MKLN1: variants seen among roughly 807,000 people sequenced by gnomAD.
The protein encoded by MKLN1 is muskelin 1.
MKLN1 carries 18 observed loss-of-function variants against 99.0 expected under a neutral mutation model. The observed-to-expected ratio is 0.18, with a 90% CI of 0.13 to 0.27. MKLN1 has a LOEUF of 0.27. Ranked by LOEUF, MKLN1 falls within the 10% of genes least tolerant of loss-of-function variation. The pLI, the probability that MKLN1 is intolerant of heterozygous loss-of-function variation, is 1.00. For synonymous variants in MKLN1, 288 were observed against 293.2 expected (o/e 0.98, Z 0.18); for missense variants, 621 against 875.9 (o/e 0.71, Z 3.67).
intron 2 of MKLN1, among the ~76,000 whole-genome samples, chr7:131,183,068 A>G (rs985405931): frequency 2.0e-4 from 30 of 152,244 alleles, no homozygotes; most frequent in African/African-American, 7.0e-4. Context: ...TGCTACTCAT[A>G]TAAAGTGAAA....
intron 6 of MKLN1, 38 bp from the exon 7 acceptor site, chr7:131,411,268 T>C: frequency 8.0e-7 from 1 of 1,255,032 alleles, no homozygotes; most frequent in Non-Finnish European, 1.2e-6. Context: ...ATGTAAGTAG[T>C]TAAGGTGTAA....
chr7:131,359,046 A>T (rs1318552092), intron 1 of MKLN1, among the ~76,000 whole-genome samples: 2 of 150,826 alleles, frequency 1.3e-5, no homozygotes, highest in South Asian at 2.1e-4. Context: ...TTATTTATTT[A>T]TTTTTTCTGC....
chr7:131,293,719 T>C (rs1798253226), intron 3 of MKLN1, among the ~76,000 whole-genome samples: 1 of 152,122 alleles, frequency 6.6e-6, no homozygotes, highest in South Asian at 2.1e-4. Context: ...AGCAAGAGGA[T>C]CACTTGAGAC....
At chr7:131,323,425 G>A (rs1798824364), upstream of MKLN1, 1 of 152,140 alleles carries the variant, frequency 6.6e-6, no homozygotes, top group Non-Finnish European at 1.5e-5. Context: ...AGGTGCCAGT[G>A]GAAGTCAGTC....
chr7:131,203,655 T>G (rs985180561), intron 3 of MKLN1, among the ~76,000 whole-genome samples: 2 of 152,192 alleles, frequency 1.3e-5, no homozygotes, highest in African/African-American at 4.8e-5. Flanking sequence ...AATTGGATTA[T>G]TTTAGAAAGA....
chr7:131,373,851 A>T (rs1251393912), intron 1 of MKLN1, among the ~76,000 whole-genome samples: 1 of 152,120 alleles, frequency 6.6e-6, no homozygotes. Context: ...TCTTTCTCTG[A>T]TCCAAGATCC....
At chr7:131,146,559 G>T (rs905917325) in intron 2 of MKLN1, among the ~76,000 whole-genome samples, 1 of 152,186 alleles carries the variant, frequency 6.6e-6, no homozygotes, top group Non-Finnish European at 1.5e-5. Flanking sequence ...ACTGTATGGA[G>T]CCCAGCATAG....
intron 2 of MKLN1, among the ~76,000 whole-genome samples, chr7:131,187,007 G>A (rs1796460983): frequency 2.6e-5 from 4 of 152,182 alleles, no homozygotes; most frequent in Non-Finnish European, 4.4e-5. Flanking sequence ...AGTTAGAGAG[G>A]CGTGAAATAG....
chr7:131,251,521 A>G (rs539834054), intron 3 of MKLN1, among the ~76,000 whole-genome samples: 1 of 152,292 alleles, frequency 6.6e-6, no homozygotes, highest in African/African-American at 2.4e-5. Flanking sequence ...TCTCCAAGGT[A>G]TTCAAATGGC....
chr7:131,292,409 C>T (rs1188823870), intron 3 of MKLN1, among the ~76,000 whole-genome samples: 1 of 152,186 alleles, frequency 6.6e-6, no homozygotes, highest in Non-Finnish European at 1.5e-5. Flanking sequence ...GGGCTCGAAT[C>T]ATGTCCCCCC....
chr7:131,181,065 G>A (rs571644690), intron 2 of MKLN1, among the ~76,000 whole-genome samples: 2 of 152,120 alleles, frequency 1.3e-5, no homozygotes, highest in Non-Finnish European at 2.9e-5. Context: ...AATTAATTCT[G>A]CAGTTGGACG....
intron 1 of MKLN1, among the ~76,000 whole-genome samples, chr7:131,366,046 A>G (rs1385454539): frequency 1.3e-5 from 2 of 152,194 alleles, no homozygotes; most frequent in Non-Finnish European, 2.9e-5. Flanking sequence ...CTTCGTGAGT[A>G]GTGTTTCCTA....
At chr7:131,358,463 A>G (rs1799941901) in intron 1 of MKLN1, among the ~76,000 whole-genome samples, 1 of 152,160 alleles carries the variant, frequency 6.6e-6, no homozygotes, top group Non-Finnish European at 1.5e-5. Context: ...TTTTGCATCC[A>G]TATTCATAAG....
intron 3 of MKLN1, among the ~76,000 whole-genome samples, chr7:131,272,080 C>T (rs948914855): frequency 3.3e-5 from 5 of 152,190 alleles, no homozygotes; most frequent in African/African-American, 9.6e-5. Flanking sequence ...CAGACAAAGA[C>T]GTAAGTTTGC....
rs1418537992 is a variant in MKLN1 at position 131,492,643 on chromosome 7, G to A, written c.*4915G>A. 1 of 151,040 alleles carries A rather than the reference G, an allele frequency of 6.6e-6. No homozygotes were observed. The highest frequency in any genetic ancestry group is 2.4e-5 in the African/African-American group (1 of 41,010). 9.4% of individuals were successfully genotyped at this position (151,040 alleles called of 1,614,324 possible). A position where few individuals can be genotyped will look rare whatever the true frequency, so the allele number is the denominator to read the frequency against. On this transcript the variant is annotated 3_prime_UTR_variant, in exon 18 of 18. Transcript: ENST00000352689. Reference sequence around the variant, plus strand: ...CCCAGCTACTTGGGAGGCTGAGGTGGGAGGATCACTTGAACCCAGGAGTTT... The same window carrying A: ...CCCAGCTACTTGGGAGGCTGAGGTGAGAGGATCACTTGAACCCAGGAGTTT...
intron 4 of MKLN1, among the ~76,000 whole-genome samples, chr7:131,390,844 A>G (rs1794178478): frequency 6.6e-6 from 1 of 152,106 alleles, no homozygotes; most frequent in Non-Finnish European, 1.5e-5. Context: ...TTTTAATTAT[A>G]GGGCATAATG....
intron 12 of MKLN1, among the ~76,000 whole-genome samples, chr7:131,462,881 G>A (rs1796557099): frequency 6.6e-6 from 1 of 152,178 alleles, no homozygotes; most frequent in Admixed American, 6.5e-5. Flanking sequence ...CAGCACTTTG[G>A]GAAGATGAGG....
chr7:131,191,358 C>T (rs1034344947), intron 2 of MKLN1, among the ~76,000 whole-genome samples: 9 of 152,100 alleles, frequency 5.9e-5, no homozygotes, highest in Admixed American at 2.6e-4. Flanking sequence ...ATCAAGCCGG[C>T]GAAGATTCCT....
At chr7:131,346,531 A>C (rs1399396423) in intron 1 of MKLN1, among the ~76,000 whole-genome samples, 4 of 152,042 alleles carry the variant, frequency 2.6e-5, no homozygotes, top group Admixed American at 1.3e-4. Context: ...AAAAAAAAAA[A>C]AAACCCAAAA....
Sources: gnomAD v4.1 joint callset for allele counts (sites outside exome capture counted in the v4.1 genomes callset) on GRCh38, gnomAD v4.1.1 for gene constraint, MANE v1.5 for transcripts, NCBI Gene and HGNC (gene_info 2026-07-23, HGNC 2026-07-21) for gene names.